Variants in KDM4B observed in about 807,000 individuals in gnomAD.
The protein encoded by KDM4B is lysine-specific demethylase 4B.
KDM4B carries 32 observed loss-of-function variants against 125.2 expected under a neutral mutation model. That is an observed-to-expected ratio of 0.26 (90% CI 0.19 to 0.34). KDM4B has a LOEUF of 0.34. Ranked by LOEUF, KDM4B falls within the 10% of genes least tolerant of loss-of-function variation. The pLI is 1.00. For missense variants in KDM4B, 1,190 were observed against 1,577.7 expected, an observed-to-expected ratio of 0.75 and a Z score of 4.16; for synonymous variants, 721 against 677.9, an observed-to-expected ratio of 1.06 and a Z score of -0.99.
At chr19:4,992,249 A>G (rs2035053897) in intron 1 of KDM4B, among the ~76,000 whole-genome samples, 1 of 152,094 alleles carries the variant, frequency 6.6e-6, no homozygotes, top group African/African-American at 2.4e-5. Flanking sequence ...TTTTGGTTTC[A>G]TTGGCTGTCT....
At chr19:5,087,063 G>T (rs2038527130) in intron 9 of KDM4B, among the ~76,000 whole-genome samples, 1 of 152,250 alleles carries the variant, frequency 6.6e-6, no homozygotes, top group Non-Finnish European at 1.5e-5. Flanking sequence ...CCCGTCTTCT[G>T]CAGAGCAGGG....
chr19:5,021,642 T>G (rs2036124448), intron 2 of KDM4B, among the ~76,000 whole-genome samples: 1 of 149,870 alleles, frequency 6.7e-6, no homozygotes, highest in Admixed American at 6.6e-5. Flanking sequence ...ACAGGTTTTT[T>G]TTTTTTTTTT....
At chr19:5,064,391 G>A (rs1030094466) in intron 6 of KDM4B, among the ~76,000 whole-genome samples, 6 of 151,470 alleles carry the variant, frequency 4.0e-5, no homozygotes, top group Non-Finnish European at 7.4e-5. Context: ...CCTCCAGCAC[G>A]CATTGGGCTG....
intron 9 of KDM4B, among the ~76,000 whole-genome samples, chr19:5,102,906 A>G (rs1253954946): frequency 6.6e-6 from 1 of 152,222 alleles, no homozygotes; most frequent in Non-Finnish European, 1.5e-5. Context: ...TTTATTGGGC[A>G]TTAATATTTA....
In KDM4B at chr19:5,022,191, C is replaced by T. The variant is rs138908215; in HGVS notation, c.-26+5852C>T. On this transcript the variant is annotated intron_variant, in intron 2 of 22. Transcript: ENST00000159111. ...CTGTGGCTCATTCATTCAGCACAGGCGGGCCCTGTGGCCAGGTGCTGATAG... is the reference window on the plus strand; with the variant it reads ...CTGTGGCTCATTCATTCAGCACAGGTGGGCCCTGTGGCCAGGTGCTGATAG... 6.8e-4 allele frequency among the ~76,000 whole-genome samples: 104 copies of T among 152,300 alleles called. 1 individual carries two copies. In the East Asian group the frequency reaches 0.019, roughly 28 times the overall value.
intron 9 of KDM4B, among the ~76,000 whole-genome samples, chr19:5,090,398 C>G (rs1331615564): frequency 9.5e-5 from 5 of 52,750 alleles, no homozygotes; most frequent in Non-Finnish European, 1.9e-4. Context: ...CTCCCCCTCT[C>G]TCTCTCTCTC....
At chr19:5,023,923 T>A (rs2036202256) in intron 2 of KDM4B, among the ~76,000 whole-genome samples, 1 of 151,914 alleles carries the variant, frequency 6.6e-6, no homozygotes, top group Non-Finnish European at 1.5e-5. Context: ...CCTGGCTGAT[T>A]TTTAAATTTT....
intron 9 of KDM4B, among the ~76,000 whole-genome samples, chr19:5,093,350 T>C (rs2038750137): frequency 1.3e-5 from 2 of 152,106 alleles, no homozygotes; most frequent in African/African-American, 2.4e-5. Context: ...CGGAAGGCCA[T>C]GGAAGGCCCG....
intron 9 of KDM4B, among the ~76,000 whole-genome samples, chr19:5,084,769 G>C (rs2038434440): frequency 6.6e-6 from 1 of 151,262 alleles, no homozygotes; most frequent in African/African-American, 2.4e-5. Context: ...AGCTATGATT[G>C]CACCACTGCA....
intron 1 of KDM4B, among the ~76,000 whole-genome samples, chr19:4,987,740 A>C (rs1205070179): frequency 6.6e-6 from 1 of 151,934 alleles, no homozygotes; most frequent in African/African-American, 2.4e-5. Context: ...ATGTGTTTTA[A>C]AGACCTCTCT....
At chr19:5,134,104 G>A in intron 14 of KDM4B, 43 bp downstream of exon 14, 3 of 1,543,492 alleles carry the variant, frequency 1.9e-6, no homozygotes, top group Non-Finnish European at 2.6e-6. Flanking sequence ...CCCCAGGCAG[G>A]GGCGGTGGGA....
chr19:5,029,335 C>T (rs2036378410), intron 2 of KDM4B, among the ~76,000 whole-genome samples: 1 of 152,236 alleles, frequency 6.6e-6, no homozygotes, highest in Admixed American at 6.5e-5. Context: ...TCCAGGGTGT[C>T]TGATGCCCCC....
intron 1 of KDM4B, among the ~76,000 whole-genome samples, chr19:4,981,687 C>T (rs995438226): frequency 1.3e-5 from 2 of 152,184 alleles, no homozygotes; most frequent in Non-Finnish European, 2.9e-5. Flanking sequence ...ACCGGCGGTG[C>T]TGTACAGTCA....
intron 6 of KDM4B, among the ~76,000 whole-genome samples, chr19:5,058,757 C>T (rs955745161): frequency 1.3e-5 from 2 of 152,156 alleles, no homozygotes; most frequent in Admixed American, 1.3e-4. Context: ...GCGGGCGCTT[C>T]GGGTTGGAGT....
chr19:5,045,622 C>A (rs113263420), intron 5 of KDM4B, among the ~76,000 whole-genome samples: 3 of 151,962 alleles, frequency 2.0e-5, no homozygotes, highest in Non-Finnish European at 1.5e-5. Context: ...ACTACGGTGC[C>A]CACCACCACG....
rs1384780320 is a variant in KDM4B at position 5,078,153 on chromosome 19, G to A, written c.780+683G>A. On this transcript the variant is annotated intron_variant, in intron 8 of 22. Coordinates refer to ENST00000159111, the MANE Select transcript of KDM4B (RefSeq NM_015015.3). This position sits in a 1 kb window ranked among gnomAD's most constrained non-coding sequence, Gnocchi z 4.5. ...AGCTCAGCAACTGCACCCACTCGAG[G>A]CAGTTCCTTCCCCATGGAGAAGCCT... 6.5e-6 allele frequency: 1 copy of A among 152,750 alleles called. No homozygotes were observed. The highest frequency in any genetic ancestry group is 6.5e-5 in the Admixed American group (1 of 15,354). 9.5% of individuals were successfully genotyped at this position (152,750 alleles called of 1,614,324 possible).
At chr19:5,093,757 G>C (rs139650178) in intron 9 of KDM4B, among the ~76,000 whole-genome samples, 9 of 152,336 alleles carry the variant, frequency 5.9e-5, no homozygotes, top group Non-Finnish European at 1.3e-4. Context: ...CTGCTTGGCA[G>C]TGGTCACCGC....
intron 11 of KDM4B, among the ~76,000 whole-genome samples, chr19:5,128,831 A>G (rs1270408481): frequency 1.4e-5 from 1 of 72,852 alleles, no homozygotes; most frequent in Admixed American, 2.2e-4. Flanking sequence ...ATAACAGCTG[A>G]GGGGCCAGAT....
In KDM4B at chr19:5,016,499, C is replaced by T. The variant is rs570238985; in HGVS notation, c.-26+160C>T. On this transcript the variant is annotated intron_variant, in intron 2 of 22. Transcript: ENST00000159111. ...CAAGCTGTGCTTAGACGGGAGCCTG[C>T]GGGCCATGGTAGGGAGGTTCTTCTG... Among the ~76,000 whole-genome samples the T allele has an allele frequency of 5.1e-4, 78 of 152,346 alleles. 1 individual carries two copies. The highest frequency in any genetic ancestry group is 2.0e-3 in the Admixed American group (30 of 15,306).
Sources: gnomAD v4.1 joint callset for allele counts (sites outside exome capture counted in the v4.1 genomes callset) on GRCh38, gnomAD v4.1.1 for gene constraint, Gnocchi (gnomAD v3.1) non-coding constraint, MANE v1.5 for transcripts, NCBI Gene and HGNC (gene_info 2026-07-23, HGNC 2026-07-21) for gene names.